Variants in ACKR3 observed in about 807,000 individuals in gnomAD.
ACKR3 encodes C-X-C chemokine receptor type 7.
A neutral mutation model predicts 22.4 loss-of-function variants in ACKR3; 6 were observed. The observed-to-expected ratio is 0.27, with a 90% CI of 0.15 to 0.53. The LOEUF is 0.53. Among genes scored for constraint, ACKR3 ranks in the 20% least tolerant of loss-of-function variants. The pLI is 0.96. For missense variants in ACKR3, 396 were observed against 475.2 expected (o/e 0.83, Z 1.55); for synonymous variants, 209 against 205.2 (o/e 1.02, Z -0.16).
the ACKR3 span, among the ~76,000 whole-genome samples, chr2:236,550,128 T>C: frequency 2.0e-5 from 3 of 152,282 alleles, no homozygotes; most frequent in East Asian, 3.9e-4. The surrounding 1 kb of genome is among the most constrained non-coding windows in gnomAD (Gnocchi z 4.6). Context: ...TTCCTGTGGG[T>C]GCATAGTCTG....
At chr2:236,547,544 A>C in the ACKR3 span, among the ~76,000 whole-genome samples, 4 of 152,244 alleles carry the variant, frequency 2.6e-5, no homozygotes, top group Non-Finnish European at 5.9e-5. Context: ...TCCTTTAAGT[A>C]GTGGAACCTT....
the ACKR3 span, among the ~76,000 whole-genome samples, chr2:236,557,736 G>A: frequency 2.8e-3 from 428 of 152,230 alleles, 1 homozygote; most frequent in Non-Finnish European, 4.4e-3. Flanking sequence ...TAGAGAAAAG[G>A]GAGTGGAACA....
In ACKR3 at chr2:236,580,474, G is replaced by A. The variant is rs926678710; in HGVS notation, c.9G>A (p.Leu3=). The change falls in exon 2 of 2, where the codon CTG becomes CTA. Residue 3 remains leucine, a synonymous_variant. Transcript: ENST00000272928. ...TTGCCCGCCTCAGAACGATGGATCT[G>A]CATCTCTTCGACTACTCAGAGCCAG... MD[L]HLFDYSEPGN... The A allele has an allele frequency of 1.2e-6, 2 of 1,610,576 alleles. No homozygotes were observed. The highest frequency in any genetic ancestry group is 1.1e-5 in the South Asian group (1 of 91,010).
At chr2:236,562,068 T>C in the ACKR3 span, among the ~76,000 whole-genome samples, 1 of 152,214 alleles carries the variant, frequency 6.6e-6, no homozygotes, top group African/African-American at 2.4e-5. Context: ...AGTGAAGTGT[T>C]CAACCACTGA....
chr2:236,568,779 TTAG>T (rs1221390048), upstream of ACKR3, among the ~76,000 whole-genome samples: 1 of 152,258 alleles, frequency 6.6e-6, no homozygotes, highest in African/African-American at 2.4e-5. Context: ...GCTGTTATTT[TTAG>T]TAGAAGTATA....
chr2:236,553,789 G>A, the ACKR3 span, among the ~76,000 whole-genome samples: 9 of 152,382 alleles, frequency 5.9e-5, no homozygotes, highest in South Asian at 8.3e-4. Flanking sequence ...GTTTGTCAGC[G>A]TCTGCTGCAG....
intron 1 of ACKR3, among the ~76,000 whole-genome samples, chr2:236,573,965 T>G (rs1691357902): frequency 6.6e-6 from 1 of 152,188 alleles, no homozygotes; most frequent in Non-Finnish European, 1.5e-5. Context: ...TGGAACATCC[T>G]TGATCACCCC....
rs528376934 is a variant in ACKR3, at chr2:236,580,330, C to T, written c.-26-110C>T. On this transcript the variant is annotated intron_variant, in intron 1 of 1. Coordinates refer to ENST00000272928, the MANE Select transcript of ACKR3 (RefSeq NM_020311.3). ...AAGACATTACAGAGCTAAACCCAAA[C>T]AGCTGAGCCTATCAGGGCCTTGGAA... 1.0e-5 allele frequency: 12 copies of T among 1,159,840 alleles called. No homozygotes were observed. In the African/African-American group the frequency reaches 1.9e-4, roughly 18 times the overall value. 71.8% of individuals were successfully genotyped at this position (1,159,840 alleles called of 1,614,324 possible).
the ACKR3 span, among the ~76,000 whole-genome samples, chr2:236,550,442 C>T: frequency 3.3e-5 from 5 of 152,336 alleles, no homozygotes; most frequent in East Asian, 1.9e-4. The surrounding 1 kb of genome is among the most constrained non-coding windows in gnomAD (Gnocchi z 4.6). Flanking sequence ...TTCACGTCAT[C>T]GGGCAGTAAA....
chr2:236,567,563 C>G (rs750029711), upstream of ACKR3, among the ~76,000 whole-genome samples: 1 of 152,190 alleles, frequency 6.6e-6, no homozygotes, highest in African/African-American at 2.4e-5. Flanking sequence ...CTCGTTTTCC[C>G]CCAGGCCTGT....
intron 1 of ACKR3, among the ~76,000 whole-genome samples, chr2:236,576,253 G>T (rs997771530): frequency 6.6e-6 from 1 of 152,238 alleles, no homozygotes; most frequent in Non-Finnish European, 1.5e-5. Context: ...CAACTTCCCA[G>T]CGTAAACAGA....
Position 236,580,989 on chromosome 2 carries a change from T to G in ACKR3, c.524T>G (p.Val175Gly). 1 of 1,614,152 alleles carries G rather than the reference T, an allele frequency of 6.2e-7. No homozygotes were observed. Among genetic ancestry groups the G allele is most frequent in the Non-Finnish European group, 8.5e-7 (1 of 1,180,036 alleles). The stretch of plus-strand genomic sequence containing the variant: ...CTGGTGTGGCTGCTGGCCTTCTGCG[T>G]GTCTCTGCCTGACACCTACTACCTG... Reference protein sequence around the residue: ...CILVWLLAFCVSLPDTYYLKT... With the variant: ...CILVWLLAFCGSLPDTYYLKT... The change falls in exon 2 of 2, where the codon GTG becomes GGG. Residue 175 changes from valine to glycine, a missense_variant. Transcript: ENST00000272928.
intron 1 of ACKR3, among the ~76,000 whole-genome samples, chr2:236,573,614 TC>T (rs1691352433): frequency 1.3e-5 from 2 of 152,124 alleles, no homozygotes; most frequent in African/African-American, 4.8e-5. Flanking sequence ...GGCCAGAGGG[TC>T]CCCCTTTTCG....
chr2:236,556,607 G>A, the ACKR3 span, among the ~76,000 whole-genome samples: 2 of 152,240 alleles, frequency 1.3e-5, no homozygotes, highest in Non-Finnish European at 2.9e-5. Context: ...CAGCCCCAAA[G>A]CCTCCAGAAG....
chr2:236,546,776 G>A, the ACKR3 span, among the ~76,000 whole-genome samples: 1 of 152,266 alleles, frequency 6.6e-6, no homozygotes, highest in Non-Finnish European at 1.5e-5. The surrounding 1 kb of genome is among the most constrained non-coding windows in gnomAD (Gnocchi z 4.9). Context: ...GGAAGGGCAA[G>A]GAGGCTGTGT....
intron 1 of ACKR3, among the ~76,000 whole-genome samples, chr2:236,578,265 C>T (rs193293466): frequency 6.6e-6 from 1 of 152,318 alleles, no homozygotes; most frequent in Non-Finnish European, 1.5e-5. Flanking sequence ...GGGCCTACGT[C>T]CTTTTGGAGT....
At chr2:236,557,985 A>T in the ACKR3 span, among the ~76,000 whole-genome samples, 1 of 152,238 alleles carries the variant, frequency 6.6e-6, no homozygotes, top group Non-Finnish European at 1.5e-5. Flanking sequence ...TCAAGGGAAG[A>T]CTGAGAAACT....
the ACKR3 span, among the ~76,000 whole-genome samples, chr2:236,537,626 CCTT>C: frequency 3.9e-4 from 60 of 152,198 alleles, 1 homozygote; most frequent in Non-Finnish European, 1.5e-4. Flanking sequence ...GACAACTTGT[CCTT>C]CTGAATGGCT....
upstream of ACKR3, chr2:236,567,764 G>A (rs933116761): frequency 6.6e-6 from 1 of 152,450 alleles, no homozygotes; most frequent in African/African-American, 2.4e-5. Flanking sequence ...GGGGACGGGT[G>A]GGGGACGTCG....
Sources: allele counts gnomAD v4.1 joint callset (sites outside exome capture counted in the v4.1 genomes callset), GRCh38; gene constraint gnomAD v4.1.1; non-coding constraint Gnocchi (gnomAD v3.1); transcripts MANE v1.5; gene names NCBI Gene and HGNC (gene_info 2026-07-23, HGNC 2026-07-21).